The following RHOU variants were observed in gnomAD, a reference collection of about 807,000 sequenced individuals.
RHOU encodes rho-related GTP-binding protein RhoU.
RHOU carries 8 observed loss-of-function variants against 12.6 expected under a neutral mutation model. The ratio of observed to expected loss-of-function variants is 0.64; its 90% CI spans 0.37 to 1.15. The LOEUF (loss-of-function observed/expected upper bound fraction) is 1.15, where lower values mean the gene tolerates loss of function less well. Among genes scored for constraint, RHOU ranks in the 50% most tolerant of loss-of-function variants. The probability of loss-of-function intolerance (pLI) is 0.01; values close to 1 mark genes in which losing one functional copy is unlikely to be tolerated. For synonymous variants in RHOU, 161 were observed against 147.4 expected, an observed-to-expected ratio of 1.09 and a Z score of -0.67; for missense variants, 258 against 347.0, an observed-to-expected ratio of 0.74 and a Z score of 2.04.
chr1:228,707,190 TATATACATATATATACATATATATATAC>T, the RHOU span, among the ~76,000 whole-genome samples: 7 of 76,466 alleles, frequency 9.2e-5, no homozygotes, highest in African/African-American at 4.7e-4. Context: ...AAAATATATA[TATATACATATATATACATATATATATAC>T]ATATATATAT....
chr1:228,710,945 T>C, the RHOU span, among the ~76,000 whole-genome samples: 2 of 151,596 alleles, frequency 1.3e-5, no homozygotes, highest in African/African-American at 4.8e-5. Flanking sequence ...CTTAAGCTGA[T>C]AAGCAACTTC....
the RHOU span, among the ~76,000 whole-genome samples, chr1:228,651,665 G>A: frequency 1.3e-5 from 2 of 152,146 alleles, no homozygotes; most frequent in African/African-American, 2.4e-5. Flanking sequence ...CTCAAAGTTC[G>A]CCTTTTCATT....
At chr1:228,741,132 G>A (rs1289792900) in intron 2 of RHOU, among the ~76,000 whole-genome samples, 1 of 152,048 alleles carries the variant, frequency 6.6e-6, no homozygotes, top group African/African-American at 2.4e-5. Flanking sequence ...CCAGAGGGAT[G>A]TAGAATCCAG....
chr1:228,650,465 T>C, the RHOU span: 1 of 456,472 alleles, frequency 2.2e-6, no homozygotes, highest in South Asian at 1.5e-5. Flanking sequence ...ACGCTGCTGC[T>C]GCAGGAGGGC....
At chr1:228,741,960 A>G (rs1477385717) in intron 2 of RHOU, among the ~76,000 whole-genome samples, 1 of 152,216 alleles carries the variant, frequency 6.6e-6, no homozygotes, top group Non-Finnish European at 1.5e-5. Context: ...TCAAATGAAG[A>G]AAGTACATTC....
At chr1:228,659,604 T>A in the RHOU span, among the ~76,000 whole-genome samples, 2 of 151,512 alleles carry the variant, frequency 1.3e-5, no homozygotes, top group East Asian at 3.9e-4. Context: ...ACAAACTTTA[T>A]AGACTGACTA....
At chr1:228,699,512 A>G in the RHOU span, among the ~76,000 whole-genome samples, 1 of 151,078 alleles carries the variant, frequency 6.6e-6, no homozygotes, top group African/African-American at 2.4e-5. Context: ...TTAGGAGCAG[A>G]AGATACATGA....
chr1:228,710,733 C>G, the RHOU span, among the ~76,000 whole-genome samples: 1 of 150,522 alleles, frequency 6.6e-6, no homozygotes, highest in Non-Finnish European at 1.5e-5. Context: ...TGGAAGCATT[C>G]CCTTTGAAAA....
rs866332991 is a variant in RHOU, at chr1:228,738,758, C to T, written c.321+1027C>T. Among the ~76,000 whole-genome samples, 2 of 152,090 alleles carry T rather than the reference C, an allele frequency of 1.3e-5. No individual in the cohort carries two copies. Among genetic ancestry groups the T allele is most frequent in the African/African-American group, 2.4e-5 (1 of 41,398 alleles). ...TGGAGCCTTGATCTCCAAGGAACAC[C>T]GGGCTGGTGCAGGCCATAGCTTGGG... On this transcript the variant is annotated intron_variant, in intron 2 of 2. Transcript: ENST00000366691. The surrounding 1 kb of genome is among the most constrained non-coding windows in gnomAD (Gnocchi z 4.2).
chr1:228,698,958 T>C, the RHOU span, among the ~76,000 whole-genome samples: 2 of 152,166 alleles, frequency 1.3e-5, no homozygotes, highest in Non-Finnish European at 2.9e-5. Context: ...GTCTTGATAG[T>C]AGAAAAGTTT....
chr1:228,702,187 T>G, the RHOU span, among the ~76,000 whole-genome samples: 1 of 152,178 alleles, frequency 6.6e-6, no homozygotes. Flanking sequence ...GGTACTTAAT[T>G]TAAAATAATA....
At chr1:228,654,217 C>G in the RHOU span, among the ~76,000 whole-genome samples, 1 of 151,882 alleles carries the variant, frequency 6.6e-6, no homozygotes, top group Non-Finnish European at 1.5e-5. Flanking sequence ...AAGTGATTCT[C>G]TTGCCTCCAC....
At chr1:228,670,910 G>A in the RHOU span, among the ~76,000 whole-genome samples, 1 of 152,168 alleles carries the variant, frequency 6.6e-6, no homozygotes, top group Non-Finnish European at 1.5e-5. Context: ...ATGATTGTAA[G>A]TTTCCTGAGG....
chr1:228,669,657 G>C, the RHOU span, among the ~76,000 whole-genome samples: 2 of 152,146 alleles, frequency 1.3e-5, no homozygotes, highest in African/African-American at 4.8e-5. Flanking sequence ...CTTAGATGTA[G>C]TCTCCTAATT....
chr1:228,649,169 T>C, the RHOU span, among the ~76,000 whole-genome samples: 2 of 152,220 alleles, frequency 1.3e-5, no homozygotes, highest in Admixed American at 6.5e-5. Flanking sequence ...CCACCAGCTT[T>C]TACTTTTTCT....
chr1:228,706,949 C>T, the RHOU span, among the ~76,000 whole-genome samples: 4 of 151,034 alleles, frequency 2.6e-5, no homozygotes, highest in South Asian at 2.1e-4. Context: ...CTTCCTATTA[C>T]GTAGTTAATT....
At chr1:228,739,680 G>T (rs1159364087) in intron 2 of RHOU, among the ~76,000 whole-genome samples, 1 of 152,256 alleles carries the variant, frequency 6.6e-6, no homozygotes, top group Non-Finnish European at 1.5e-5. Context: ...CAAAGGCACA[G>T]TTAGCAGGGA....
chr1:228,661,032 A>T, the RHOU span, among the ~76,000 whole-genome samples: 124 of 152,240 alleles, frequency 8.1e-4, no homozygotes, highest in Middle Eastern at 0.01. Context: ...GCATTCCTAT[A>T]CACCAATAAC....
chr1:228,737,588 G>C lies in RHOU; in HGVS notation c.263-85G>C, dbSNP rs1662634941. On this transcript the variant is annotated intron_variant, in intron 1 of 2. Coordinates refer to ENST00000366691, the MANE Select transcript of RHOU (RefSeq NM_021205.6). This position sits in a 1 kb window ranked among gnomAD's most constrained non-coding sequence, Gnocchi z 4.1. ...ATAGGAGCAAAGGGGTTTGGAGTGA[G>C]AATGATAGTGAAAGCTAAAACTATT... 14 of 1,295,714 alleles carry C rather than the reference G, an allele frequency of 1.1e-5. No homozygotes were observed. Among genetic ancestry groups the C allele is most frequent in the Non-Finnish European group, 1.6e-5 (14 of 892,368 alleles). The allele number at this position is 1,295,714 out of a possible 1,614,324, so 80.3% of individuals were successfully genotyped here. A position where few individuals can be genotyped will look rare whatever the true frequency, so the allele number is the denominator to read the frequency against.
Sources: gnomAD v4.1 joint callset for allele counts (sites outside exome capture counted in the v4.1 genomes callset) on GRCh38, gnomAD v4.1.1 for gene constraint, Gnocchi (gnomAD v3.1) non-coding constraint, MANE v1.5 for transcripts, NCBI Gene and HGNC (gene_info 2026-07-23, HGNC 2026-07-21) for gene names.